The following TP53I13 variants were observed in gnomAD, a reference collection of about 807,000 sequenced individuals.
The protein encoded by TP53I13 is tumor protein p53 inducible protein 13, also known as tumor protein p53-inducible protein 13.
A neutral mutation model predicts 39.1 loss-of-function variants in TP53I13; 27 were observed. That is an observed-to-expected ratio of 0.69 (90% CI 0.51 to 0.95). TP53I13 has a LOEUF of 0.95. TP53I13 is among the 40% of genes least tolerant of loss of function. TP53I13 has a pLI of 0.00. For missense variants in TP53I13, 544 were observed against 520.4 expected (o/e 1.05, Z -0.44); for synonymous variants, 230 against 224.6 (o/e 1.02, Z -0.22).
downstream of TP53I13, chr17:29,576,828 G>A: frequency 6.3e-7 from 1 of 1,578,102 alleles, no homozygotes; most frequent in East Asian, 2.3e-5. Flanking sequence ...CTGGGTCAGG[G>A]CACAGGGGAG....
downstream of TP53I13, chr17:29,574,571 G>T: frequency 1.2e-6 from 1 of 822,504 alleles, no homozygotes; most frequent in Non-Finnish European, 2.1e-6. Flanking sequence ...GCACCTGGCT[G>T]CCAGGGAGTG....
chr17:29,575,523 G>C, downstream of TP53I13: 4 of 1,568,922 alleles, frequency 2.5e-6, no homozygotes, highest in Non-Finnish European at 2.6e-6. This position sits in a 1 kb window ranked among gnomAD's most constrained non-coding sequence, Gnocchi z 5.5. Flanking sequence ...AGAAAGACAC[G>C]TTCCAGCCTC....
chr17:29,581,459 A>G, the TP53I13 span: 1 of 1,129,898 alleles, frequency 8.9e-7, no homozygotes, highest in African/African-American at 1.5e-5. This position sits in a 1 kb window ranked among gnomAD's most constrained non-coding sequence, Gnocchi z 4.8. Flanking sequence ...CACTGCCATG[A>G]GCAGGGCTGG....
rs1477637644 is a variant in TP53I13 at position 29,571,973 on chromosome 17, G to A, written c.429G>A (p.Trp143Ter). The change falls in exon 5 of 7, where the codon TGG becomes TGA. Residue 143 changes from tryptophan to a stop codon, truncating the protein, a stop_gained. Transcript: ENST00000301057. LOFTEE classifies it high-confidence loss of function. ...RRRKQRKKKA[W>*]IYCESLSGPA... Reference sequence around the variant, plus strand: ...GGAAGCAGAGGAAGAAGAAGGCATGGATCTACTGTGAAAGCCTTTCAGGGC... The same window carrying A: ...GGAAGCAGAGGAAGAAGAAGGCATGAATCTACTGTGAAAGCCTTTCAGGGC... The A allele has an allele frequency of 6.2e-7, 1 of 1,613,164 alleles. No homozygotes were observed. Among genetic ancestry groups the A allele is most frequent in the Non-Finnish European group, 8.5e-7 (1 of 1,180,004 alleles).
chr17:29,576,386 G>A (rs911378975), downstream of TP53I13: 1 of 1,613,380 alleles, frequency 6.2e-7, no homozygotes, highest in African/African-American at 1.3e-5. Context: ...ACTGGGGAGT[G>A]GAGGTGTGGG....
At chr17:29,571,509 A>G (rs907238264) in intron 3 of TP53I13, 82 bp from the exon 4 acceptor site, 15 of 1,586,328 alleles carry the variant, frequency 9.5e-6, no homozygotes, top group Non-Finnish European at 1.3e-5. Context: ...AGTACCTTTA[A>G]ACTGGTCCCC....
rs570003360 is a variant in TP53I13, at chr17:29,569,538, A to T, written c.183+179A>T. 3.0e-4 allele frequency: 176 copies of T among 587,402 alleles called. 2 individuals are homozygous for T. The highest frequency in any genetic ancestry group is 3.8e-4 in the South Asian group (17 of 44,704). 36.4% of individuals were successfully genotyped at this position (587,402 alleles called of 1,614,324 possible). On this transcript the variant is annotated intron_variant, in intron 3 of 6. Transcript: ENST00000301057. ...CCAGGACAGATCAGCCCCAGGACAG[A>T]TGGCTCAAAGACAGTGAGCCATAGG...
At chr17:29,581,886 AC>A in the TP53I13 span, 11 of 1,600,252 alleles carry the variant, frequency 6.9e-6, no homozygotes, top group East Asian at 2.2e-5. This position sits in a 1 kb window ranked among gnomAD's most constrained non-coding sequence, Gnocchi z 4.8. Context: ...CCTCACCCAC[AC>A]CCCCACCCAC....
chr17:29,576,200 G>A, downstream of TP53I13: 2 of 1,606,228 alleles, frequency 1.2e-6, no homozygotes, highest in Non-Finnish European at 1.7e-6. Context: ...CCCACACCTT[G>A]AGACCCATAG....
downstream of TP53I13, chr17:29,575,171 G>A: frequency 6.3e-7 from 1 of 1,579,564 alleles, no homozygotes; most frequent in Non-Finnish European, 8.6e-7. This position sits in a 1 kb window ranked among gnomAD's most constrained non-coding sequence, Gnocchi z 5.5. Flanking sequence ...CTATAAAGCA[G>A]GGGGCTCTCA....
At chr17:29,580,356 G>A in the TP53I13 span, among the ~76,000 whole-genome samples, 1 of 152,238 alleles carries the variant, frequency 6.6e-6, no homozygotes, top group Non-Finnish European at 1.5e-5. Context: ...TCTGGGTTTA[G>A]GATCTGAGTC....
chr17:29,569,308 C>G lies in TP53I13; in HGVS notation c.142-10C>G, dbSNP rs776578225. ...AACTGCCCTAAGCTCTGTTCTTTCC[C>G]CATGTATAGGTGTCACCAAGAGTGA... On this transcript the variant is annotated splice_polypyrimidine_tract_variant and intron_variant, in intron 2 of 6. Coordinates refer to ENST00000301057, the MANE Select transcript of TP53I13 (RefSeq NM_138349.4). The G allele has an allele frequency of 5.0e-6, 8 of 1,613,660 alleles. No individual in the cohort carries two copies. Among genetic ancestry groups the G allele is most frequent in the Middle Eastern group, 1.6e-4 (1 of 6,084 alleles).
At chr17:29,575,004 C>T (rs779768184), downstream of TP53I13, 45 of 1,474,722 alleles carry the variant, frequency 3.1e-5, no homozygotes, top group Admixed American at 6.7e-4. The surrounding 1 kb of genome is among the most constrained non-coding windows in gnomAD (Gnocchi z 5.5). Flanking sequence ...ACCCAGGTAG[C>T]GATCAGATGG....
chr17:29,576,991 G>T (rs760678265), downstream of TP53I13: 1 of 1,603,380 alleles, frequency 6.2e-7, no homozygotes, highest in South Asian at 1.1e-5. Context: ...GACAGCTCGA[G>T]GTTGTCTGAG....
upstream of TP53I13, chr17:29,566,956 C>T: frequency 7.2e-7 from 1 of 1,385,670 alleles, no homozygotes; most frequent in Non-Finnish European, 9.3e-7. Flanking sequence ...GGCGGCGCCC[C>T]ACGGCGGCAT....
chr17:29,567,042 C>T, upstream of TP53I13: 1 of 1,179,564 alleles, frequency 8.5e-7, no homozygotes, highest in Non-Finnish European at 1.1e-6. This position sits in a 1 kb window ranked among gnomAD's most constrained non-coding sequence, Gnocchi z 6.6. Context: ...TTGCCCGCGG[C>T]TCCGCCCGCC....
downstream of TP53I13, chr17:29,575,997 C>A: frequency 6.4e-7 from 1 of 1,557,384 alleles, no homozygotes; most frequent in Non-Finnish European, 8.9e-7. This position sits in a 1 kb window ranked among gnomAD's most constrained non-coding sequence, Gnocchi z 5.5. Context: ...TCATCTTAAG[C>A]CCCGAATTCA....
rs1252222842 is a variant in TP53I13, at chr17:29,572,569, C to A, written c.941C>A (p.Ala314Asp). The A allele has an allele frequency of 1.3e-6, 2 of 1,598,746 alleles. No individual in the cohort carries two copies. The highest frequency in any genetic ancestry group is 1.7e-6 in the Non-Finnish European group (2 of 1,173,472). The change falls in exon 6 of 7, where the codon GCC becomes GAC. Residue 314 changes from alanine (A) to aspartate (D), a missense_variant. Ala to Asp is a moderately radical substitution (Grantham distance 126). Transcript: ENST00000301057. ...CGCACTGAAGAGGCCGCCTGGGCTG[C>A]CATGGCCCTGACCTTCCTGCTGGTG... ...TPRTEEAAWA[A>D]MALTFLLVLL...
Position 29,573,111 on chromosome 17 carries a change from G to C in TP53I13, c.*187G>C, listed in dbSNP as rs554431896. 195 of 443,422 alleles carry C rather than the reference G, an allele frequency of 4.4e-4. No individual in the cohort carries two copies. The highest frequency in any genetic ancestry group is 3.5e-3 in the African/African-American group (169 of 48,402). 27.5% of individuals were successfully genotyped at this position (443,422 alleles called of 1,614,324 possible). A position where few individuals can be genotyped will look rare whatever the true frequency, so the allele number is the denominator to read the frequency against. On this transcript the variant is annotated 3_prime_UTR_variant, in exon 7 of 7. Transcript: ENST00000301057. Reference sequence around the variant, plus strand: ...CAAGGGGAGAAAAGGAGCCGCTTCTGCCTCCCTTGCCAAAACTCCGTTTCT... The same window carrying C: ...CAAGGGGAGAAAAGGAGCCGCTTCTCCCTCCCTTGCCAAAACTCCGTTTCT...
Sources: gnomAD v4.1 joint callset for allele counts (sites outside exome capture counted in the v4.1 genomes callset) on GRCh38, gnomAD v4.1.1 for gene constraint, Gnocchi (gnomAD v3.1) non-coding constraint, MANE v1.5 for transcripts, NCBI Gene and HGNC (gene_info 2026-07-23, HGNC 2026-07-21) for gene names.